Variants in PTPN1 observed in about 807,000 individuals in gnomAD.
The protein encoded by PTPN1 is tyrosine-protein phosphatase non-receptor type 1.
PTPN1 carries 12 observed loss-of-function variants against 59.9 expected under a neutral mutation model. That is an observed-to-expected ratio of 0.20 (90% CI 0.13 to 0.32). The LOEUF is 0.32. PTPN1 is among the 10% of genes least tolerant of loss of function. The probability of loss-of-function intolerance (pLI) is 1.00; values close to 1 mark genes in which losing one functional copy is unlikely to be tolerated. For synonymous variants in PTPN1, 178 were observed against 203.6 expected (o/e 0.87, Z 1.07); for missense variants, 356 against 549.2 (o/e 0.65, Z 3.52).
intron 5 of PTPN1, 33 bp from the exon 6 acceptor site, chr20:50,578,387 T>A (rs770079688): frequency 1.3e-6 from 2 of 1,529,630 alleles, no homozygotes; most frequent in Non-Finnish European, 1.8e-6. Context: ...AGATGATTCT[T>A]TTAGAATCAT....
At chr20:50,513,123 A>G (rs1426627340) in intron 1 of PTPN1, among the ~76,000 whole-genome samples, 3 of 152,216 alleles carry the variant, frequency 2.0e-5, no homozygotes, top group Non-Finnish European at 4.4e-5. Flanking sequence ...TTGGAAAACA[A>G]ACTTTTTAGG....
intron 2 of PTPN1, chr20:50,563,211 T>C (rs2082761509): frequency 6.6e-6 from 1 of 151,892 alleles, no homozygotes; most frequent in South Asian, 2.1e-4. Flanking sequence ...CCTCCTCCCG[T>C]ACTCCTATCC....
In PTPN1 at chr20:50,568,604, A is replaced by T; in HGVS notation, c.354+126A>T. Reference sequence around the variant, plus strand: ...TTTCCTTTACGTAGTATTTTTATTTAAAAAAATTAAAACAGCAGCATATAA... The same window carrying T: ...TTTCCTTTACGTAGTATTTTTATTTTAAAAAATTAAAACAGCAGCATATAA... On this transcript the variant is annotated intron_variant, in intron 4 of 9. Transcript: ENST00000371621. This position sits in a 1 kb window ranked among gnomAD's most constrained non-coding sequence, Gnocchi z 5.6. The T allele has an allele frequency of 2.7e-6, 2 of 738,718 alleles. No individual in the cohort carries two copies. The highest frequency in any genetic ancestry group is 2.8e-5 in the Admixed American group (1 of 36,340). The allele number at this position is 738,718 out of a possible 1,614,324, so 45.8% of individuals were successfully genotyped here.
intron 1 of PTPN1, among the ~76,000 whole-genome samples, chr20:50,552,078 G>A (rs1388690106): frequency 6.6e-6 from 1 of 152,084 alleles, no homozygotes; most frequent in Admixed American, 6.6e-5. Flanking sequence ...TTTTTCTATA[G>A]CTGTTGGAAA....
intron 1 of PTPN1, among the ~76,000 whole-genome samples, chr20:50,529,759 G>T (rs1346479000): frequency 6.6e-6 from 1 of 152,122 alleles, no homozygotes. Context: ...TCAAAAACTT[G>T]TTCTTGACTA....
chr20:50,576,290 G>A (rs899888025), intron 5 of PTPN1, among the ~76,000 whole-genome samples: 3 of 152,220 alleles, frequency 2.0e-5, no homozygotes, highest in Non-Finnish European at 4.4e-5. Context: ...GCTTGTTGAG[G>A]GAAACTGAAT....
chr20:50,515,215 A>G (rs2082523870), intron 1 of PTPN1, among the ~76,000 whole-genome samples: 1 of 152,178 alleles, frequency 6.6e-6, no homozygotes, highest in Non-Finnish European at 1.5e-5. Context: ...TGTGGCTTCC[A>G]TTCTAGCCAG....
At chr20:50,530,974 G>A (rs2082598630) in intron 1 of PTPN1, among the ~76,000 whole-genome samples, 1 of 152,242 alleles carries the variant, frequency 6.6e-6, no homozygotes, top group Admixed American at 6.5e-5. Flanking sequence ...AAAATGTTGG[G>A]ATTACAGGGA....
chr20:50,559,363 C>T (rs2082740992), intron 1 of PTPN1, among the ~76,000 whole-genome samples: 2 of 152,124 alleles, frequency 1.3e-5, no homozygotes, highest in Non-Finnish European at 2.9e-5. Context: ...CTTAGAATCT[C>T]GAAGGCATTG....
intron 2 of PTPN1, among the ~76,000 whole-genome samples, chr20:50,562,647 A>G (rs1306984355): frequency 1.3e-5 from 2 of 152,252 alleles, no homozygotes; most frequent in Non-Finnish European, 2.9e-5. Context: ...GTGCACTTCT[A>G]GGTCATCAGG....
intron 1 of PTPN1, among the ~76,000 whole-genome samples, chr20:50,524,569 C>CTTTTTTTTTTTTTTTTTTTATTTT (rs2082565391): frequency 2.2e-5 from 1 of 45,782 alleles, no homozygotes; most frequent in Non-Finnish European, 3.6e-5. Context: ...ATTATGTGGT[C>CTTTTTTTTTTTTTTTTTTTATTTT]TTTTTTTTTT....
At chr20:50,537,814 C>T (rs1016153874) in intron 1 of PTPN1, among the ~76,000 whole-genome samples, 3 of 152,128 alleles carry the variant, frequency 2.0e-5, no homozygotes, top group Non-Finnish European at 4.4e-5. Flanking sequence ...GATACCTAAC[C>T]AACAGAGAAC....
intron 1 of PTPN1, among the ~76,000 whole-genome samples, chr20:50,546,851 C>G (rs2082678160): frequency 1.3e-5 from 2 of 152,236 alleles, no homozygotes; most frequent in African/African-American, 2.4e-5. Context: ...CTTCCACTTG[C>G]AGATGTCTGC....
intron 4 of PTPN1, chr20:50,572,618 C>T (rs1396893758): frequency 2.0e-5 from 3 of 152,198 alleles, no homozygotes; most frequent in Non-Finnish European, 2.9e-5. Context: ...CTTCCTCCTG[C>T]ATTTCTGTTC....
chr20:50,569,174 G>A (rs936573918), intron 4 of PTPN1, among the ~76,000 whole-genome samples: 4 of 152,078 alleles, frequency 2.6e-5, no homozygotes, highest in African/African-American at 7.2e-5. Flanking sequence ...GTCTCACCAC[G>A]GTTCTTCCCA....
intron 1 of PTPN1, among the ~76,000 whole-genome samples, chr20:50,556,342 C>G (rs1321178116): frequency 6.6e-6 from 1 of 151,532 alleles, no homozygotes; most frequent in Non-Finnish European, 1.5e-5. Flanking sequence ...GTGCACGCCA[C>G]CACACCCGGC....
At chr20:50,533,865 T>G (rs960800367) in intron 1 of PTPN1, among the ~76,000 whole-genome samples, 1 of 152,216 alleles carries the variant, frequency 6.6e-6, no homozygotes, top group Non-Finnish European at 1.5e-5. Flanking sequence ...TCCGTGATTT[T>G]TTTTTCTCCT....
At chr20:50,549,987 TGAG>T (rs1395330844) in intron 1 of PTPN1, among the ~76,000 whole-genome samples, 2 of 152,212 alleles carry the variant, frequency 1.3e-5, no homozygotes, top group African/African-American at 4.8e-5. Flanking sequence ...TCATTTATAA[TGAG>T]ATTTGTGATT....
chr20:50,557,207 T>G (rs537456553), intron 1 of PTPN1, among the ~76,000 whole-genome samples: 8 of 152,194 alleles, frequency 5.3e-5, no homozygotes, highest in Non-Finnish European at 1.2e-4. Flanking sequence ...AGCAAAATGT[T>G]TATCTTTTTT....
Sources: gnomAD v4.1 joint callset for allele counts (sites outside exome capture counted in the v4.1 genomes callset) on GRCh38, gnomAD v4.1.1 for gene constraint, Gnocchi (gnomAD v3.1) non-coding constraint, MANE v1.5 for transcripts, NCBI Gene and HGNC (gene_info 2026-07-23, HGNC 2026-07-21) for gene names.